The following ZNF596 variants were observed in gnomAD, a reference collection of about 807,000 sequenced individuals.
The protein encoded by ZNF596 is zinc finger protein 596.
Under a neutral mutation model 48.3 loss-of-function variants are expected in ZNF596, and 45 were observed. That is an observed-to-expected ratio of 0.93 (90% confidence interval 0.73 to 1.19). The LOEUF is 1.19. ZNF596 is among the 50% of genes most tolerant of loss of function. The pLI is 0.00. For missense variants in ZNF596, 848 were observed against 599.7 expected (o/e 1.41, Z -4.32); for synonymous variants, 270 against 202.0 (o/e 1.34, Z -2.85).
At chr8:235,761 G>T (rs903668425) in intron 1 of ZNF596, among the ~76,000 whole-genome samples, 9 of 151,982 alleles carry the variant, frequency 5.9e-5, no homozygotes, top group African/African-American at 1.9e-4. Context: ...CAGGAAGGCA[G>T]GAGCTATTGT....
intron 1 of ZNF596, among the ~76,000 whole-genome samples, chr8:234,161 G>A (rs1796533898): frequency 6.6e-6 from 1 of 152,216 alleles, no homozygotes; most frequent in Non-Finnish European, 1.5e-5. Flanking sequence ...TCAGGAACCA[G>A]AGAAAGAAAA....
intron 1 of ZNF596, chr8:234,832 G>A (rs1279510760): frequency 6.6e-6 from 1 of 152,204 alleles, no homozygotes; most frequent in Non-Finnish European, 1.5e-5. Flanking sequence ...TAGATGGGAA[G>A]TGGGCCACAT....
At chr8:234,191 C>G (rs1329781907) in intron 1 of ZNF596, among the ~76,000 whole-genome samples, 1 of 152,206 alleles carries the variant, frequency 6.6e-6, no homozygotes, top group Non-Finnish European at 1.5e-5. Flanking sequence ...CATTCTCACC[C>G]ATGACACTGT....
intron 2 of ZNF596, 65 bp from the exon 3 acceptor site, chr8:242,822 A>G: frequency 7.2e-7 from 1 of 1,383,998 alleles, no homozygotes; most frequent in Non-Finnish European, 9.5e-7. Context: ...AGTCACTTTG[A>G]TCTTGCTCCA....
At position 244,635 on chromosome 8, in the gene ZNF596, T is replaced by G. The variant is rs1796987264; in HGVS notation, c.240T>G (p.Ile80Met). Residue 80 changes from isoleucine (I) to methionine (M), a missense_variant, in exon 5 of 6, where the codon ATT (isoleucine) becomes ATG (methionine). By Grantham distance (10) the Ile-to-Met change is conservative. Coordinates refer to ENST00000398612, the MANE Select transcript of ZNF596 (RefSeq NM_001042416.3). ...TTATTTCAGGTAGAGAAGTTGGCAT[T>G]AAACATCAAGAGATACCATTCATTC... ...ISLLQGREVG[I>M]KHQEIPFIQH... The G allele has an allele frequency of 1.2e-6, 2 of 1,612,424 alleles. No homozygotes were observed. Among genetic ancestry groups the G allele is most frequent in the Non-Finnish European group, 1.7e-6 (2 of 1,179,148 alleles).
chr8:246,220 GA>G lies in ZNF596; in HGVS notation c.1375del (p.Ser459ValfsTer44). ...AATATATGTGGTAAAGCCTTCAATA[GA>G]AGTTACAACTTTAGACTTCATAGAA... ...ECNICGKAFN[R>X]SYNFRLHRRV... On this transcript the variant is annotated frameshift_variant, in exon 6 of 6. Transcript: ENST00000398612. LOFTEE classifies it high-confidence loss of function. The G allele has an allele frequency of 6.2e-7, 1 of 1,613,612 alleles. No homozygotes were observed. Among genetic ancestry groups the G allele is most frequent in the Non-Finnish European group, 8.5e-7 (1 of 1,179,884 alleles).
chr8:246,420 T>C lies in ZNF596; in HGVS notation c.*58T>C, dbSNP rs142646930. 1,816 of 1,517,150 alleles carry C rather than the reference T, an allele frequency of 1.2e-3. 23 individuals carry two copies. The African/African-American group carries it at 0.023, about 19-fold the overall frequency. 94.0% of individuals were successfully genotyped at this position (1,517,150 alleles called of 1,614,324 possible). A position where few individuals can be genotyped will look rare whatever the true frequency, so the allele number is the denominator to read the frequency against. On this transcript the variant is annotated 3_prime_UTR_variant, in exon 6 of 6. Coordinates refer to ENST00000398612, the MANE Select transcript of ZNF596 (RefSeq NM_001042416.3). ...ACCAAGGACAAACATACTACAGGAA[T>C]ATTATGTCTGTAATCAGTGTGGAAA...
intron 1 of ZNF596, among the ~76,000 whole-genome samples, chr8:233,905 A>G (rs989466524): frequency 6.6e-6 from 1 of 152,164 alleles, no homozygotes; most frequent in African/African-American, 2.4e-5. Flanking sequence ...AACTGCCACT[A>G]TCGTATTAAG....
chr8:244,404 T>G (rs1354955416), intron 4 of ZNF596: 1 of 547,960 alleles, frequency 1.8e-6, no homozygotes, highest in Non-Finnish European at 3.2e-6. Flanking sequence ...CTTTGAAAAT[T>G]TTTCTTTCCT....
chr8:245,554 C>A lies in ZNF596; in HGVS notation c.707C>A (p.Ser236Tyr), dbSNP rs1364523425. ...HLCGKAFTHCSDLRKHERTHT... is the reference protein window; with the variant it reads ...HLCGKAFTHCYDLRKHERTHT... ...TGTGGGAAAGCCTTTACTCATTGCT[C>A]TGATCTTCGAAAACATGAGAGAACT... Residue 236 changes from serine (S) to tyrosine (Y), a missense_variant, in exon 6 of 6, where the codon TCT becomes TAT. By Grantham distance (144) the Ser-to-Tyr change is moderately radical. Transcript: ENST00000398612. The A allele has an allele frequency of 1.2e-6, 2 of 1,613,904 alleles. No individual in the cohort carries two copies. The highest frequency in any genetic ancestry group is 2.7e-5 in the African/African-American group (2 of 74,888).
chr8:236,261 G>C (rs1796609045), intron 1 of ZNF596, among the ~76,000 whole-genome samples: 1 of 152,156 alleles, frequency 6.6e-6, no homozygotes, highest in African/African-American at 2.4e-5. Context: ...ATTGATTTCA[G>C]AATATTCATA....
chr8:243,525 G>GT, intron 3 of ZNF596, 197 bp from the exon 4 acceptor site: 1 of 455,230 alleles, frequency 2.2e-6, no homozygotes, highest in Non-Finnish European at 3.9e-6. Context: ...GCAATTATAG[G>GT]TCTTTTATGT....
In ZNF596 at chr8:246,308, T is replaced by C. The variant is rs1219745856; in HGVS notation, c.1461T>C (p.Phe487=). The change falls in exon 6 of 6, where the codon TTT becomes TTC. Residue 487 remains phenylalanine, a synonymous_variant. Transcript: ENST00000398612. ...TATGTGGGAAAGCCTTTAGTAAATT[T>C]TTTAACCTTAGACAACATGAGAGAA... ...CPLCGKAFSK[F]FNLRQHERTH... The C allele has an allele frequency of 6.2e-7, 1 of 1,606,352 alleles. No homozygotes were observed. Among genetic ancestry groups the C allele is most frequent in the Admixed American group, 1.7e-5 (1 of 58,212 alleles).
chr8:245,106 G>C, intron 5 of ZNF596, 48 bp from the exon 6 acceptor site: 1 of 1,516,672 alleles, frequency 6.6e-7, no homozygotes, highest in Non-Finnish European at 8.8e-7. Context: ...AGTAATGAAT[G>C]AGTGTGGATA....
intron 2 of ZNF596, 21 bp downstream of exon 2, chr8:240,928 TC>T (rs770843845): frequency 6.2e-7 from 1 of 1,614,008 alleles, no homozygotes; most frequent in South Asian, 1.1e-5. Flanking sequence ...AATTCTTCTT[TC>T]TACTGAAATT....
At chr8:243,270 C>T (rs1418463417) in intron 3 of ZNF596, 16 of 335,780 alleles carry the variant, frequency 4.8e-5, no homozygotes, top group African/African-American at 1.7e-4. Context: ...CTTTAATCTC[C>T]CAAACTCAGA....
intron 1 of ZNF596, among the ~76,000 whole-genome samples, chr8:239,286 T>A (rs1796752446): frequency 6.6e-6 from 1 of 152,126 alleles, no homozygotes; most frequent in African/African-American, 2.4e-5. Flanking sequence ...CCTCCCAGGT[T>A]CAAGCGATTC....
At chr8:241,234 T>C (rs1563066263) in intron 2 of ZNF596, among the ~76,000 whole-genome samples, 1 of 152,086 alleles carries the variant, frequency 6.6e-6, no homozygotes, top group Non-Finnish European at 1.5e-5. Context: ...TCATTACCTA[T>C]GTTATTGGCA....
chr8:245,948 A>C lies in ZNF596; in HGVS notation c.1101A>C (p.Leu367=). The C allele has an allele frequency of 6.2e-7, 1 of 1,614,140 alleles. No individual in the cohort carries two copies. The highest frequency in any genetic ancestry group is 8.5e-7 in the Non-Finnish European group (1 of 1,180,022). ...HNGEKPHGCH[L]CGKAFTESSV... is the part of the protein sequence containing the mutation. ...GAGAGAAACCACATGGATGTCATCT[A>C]TGTGGGAAAGCATTCACTGAATCTT... The change falls in exon 6 of 6, where the codon CTA becomes CTC. Residue 367 remains leucine (L), a synonymous_variant. Coordinates refer to ENST00000398612, the MANE Select transcript of ZNF596 (RefSeq NM_001042416.3).
Sources: allele counts gnomAD v4.1 joint callset (sites outside exome capture counted in the v4.1 genomes callset), GRCh38; gene constraint gnomAD v4.1.1; transcripts MANE v1.5; gene names NCBI Gene and HGNC (gene_info 2026-07-23, HGNC 2026-07-21).